The following BACE2 variants were observed in gnomAD, a reference collection of about 807,000 sequenced individuals.
The protein encoded by BACE2 is beta-secretase 2, also known as 56 kDa aspartic-like protease.
Under a neutral mutation model 46.2 loss-of-function variants are expected in BACE2, and 17 were observed. The observed-to-expected ratio is 0.37, with a 90% confidence interval of 0.25 to 0.55. The LOEUF (loss-of-function observed/expected upper bound fraction) is 0.55. BACE2 is among the 20% of genes least tolerant of loss of function. BACE2 has a pLI of 0.82. For missense variants in BACE2, 595 were observed against 698.1 expected, an observed-to-expected ratio of 0.85 and a Z score of 1.66; for synonymous variants, 277 against 295.9, an observed-to-expected ratio of 0.94 and a Z score of 0.66.
intron 8 of BACE2, among the ~76,000 whole-genome samples, chr21:41,263,581 C>T (rs1331050428): frequency 4.6e-5 from 7 of 152,060 alleles, no homozygotes; most frequent in African/African-American, 9.7e-5. Context: ...GCCTCAATTC[C>T]GAATCACAAT....
In BACE2 at chr21:41,168,504, G is replaced by T; in HGVS notation, c.241G>T (p.Val81Leu). 7.2e-7 allele frequency: 1 copy of T among 1,381,794 alleles called. No homozygotes were observed. Among genetic ancestry groups the T allele is most frequent in the Admixed American group, 3.0e-5 (1 of 33,196 alleles). 85.6% of individuals were successfully genotyped at this position (1,381,794 alleles called of 1,614,324 possible). A position where few individuals can be genotyped will look rare whatever the true frequency, so the allele number is the denominator to read the frequency against. The change falls in exon 1 of 9, where the codon GTA (valine) becomes TTA (leucine). Residue 81 changes from valine (V) to leucine (L), a missense_variant. By Grantham distance (32) the Val-to-Leu change is conservative. Transcript: ENST00000330333. ...PAGAANFLAM[V>L]DNLQGDSGRG... The stretch of plus-strand genomic sequence containing the variant: ...GGGCGCCGCCAACTTCTTGGCCATG[G>T]TAGACAACCTGCAGGGGGACTCTGG...
intron 8 of BACE2, among the ~76,000 whole-genome samples, chr21:41,264,019 C>G (rs1988004522): frequency 6.6e-6 from 1 of 152,084 alleles, no homozygotes. Context: ...GGTCCCTTGA[C>G]CCTTCATTTA....
At chr21:41,171,282 C>T (rs1041426070) in intron 1 of BACE2, among the ~76,000 whole-genome samples, 6 of 152,336 alleles carry the variant, frequency 3.9e-5, no homozygotes, top group Non-Finnish European at 7.3e-5. Context: ...CAGGTGTGCA[C>T]GGGAGAGGCC....
intron 1 of BACE2, chr21:41,179,486 G>C: frequency 7.4e-7 from 1 of 1,349,450 alleles, no homozygotes; most frequent in Non-Finnish European, 9.9e-7. Flanking sequence ...AGGTGTCCAG[G>C]GTGAGGAGTG....
chr21:41,204,573 C>G (rs1341093770), intron 1 of BACE2, among the ~76,000 whole-genome samples: 1 of 152,236 alleles, frequency 6.6e-6, no homozygotes, highest in East Asian at 1.9e-4. Context: ...ATTTAACACT[C>G]ACGTTCAAGG....
At chr21:41,221,693 T>C (rs2123565089) in intron 1 of BACE2, among the ~76,000 whole-genome samples, 1 of 152,160 alleles carries the variant, frequency 6.6e-6, no homozygotes, top group South Asian at 2.1e-4. Context: ...CTGGGCGTGG[T>C]GGCGGGAGCC....
intron 1 of BACE2, among the ~76,000 whole-genome samples, chr21:41,169,349 A>G (rs1984514125): frequency 6.6e-6 from 1 of 152,002 alleles, no homozygotes; most frequent in Non-Finnish European, 1.5e-5. Flanking sequence ...CGATTACAAC[A>G]CAAAAATAAA....
intron 8 of BACE2, among the ~76,000 whole-genome samples, chr21:41,267,888 A>G (rs1323355450): frequency 6.6e-6 from 1 of 152,218 alleles, no homozygotes; most frequent in Non-Finnish European, 1.5e-5. Flanking sequence ...TCTCAGTACC[A>G]GATAATCAGT....
intron 1 of BACE2, among the ~76,000 whole-genome samples, chr21:41,201,428 A>AGCTT (rs1278043108): frequency 6.6e-6 from 1 of 152,254 alleles, no homozygotes; most frequent in East Asian, 1.9e-4. Context: ...CAAGGGCTGA[A>AGCTT]GCCATCGAGC....
chr21:41,199,687 C>G (rs1020823431), intron 1 of BACE2, among the ~76,000 whole-genome samples: 1 of 152,174 alleles, frequency 6.6e-6, no homozygotes, highest in Admixed American at 6.5e-5. Context: ...CCTACTTGTT[C>G]TAGCCGGGCT....
chr21:41,189,647 T>G (rs1392190935), intron 1 of BACE2, among the ~76,000 whole-genome samples: 1 of 152,212 alleles, frequency 6.6e-6, no homozygotes, highest in Non-Finnish European at 1.5e-5. Context: ...TTATTGGCTG[T>G]CTGTTCATAT....
chr21:41,272,587 C>T (rs549731765), intron 8 of BACE2, among the ~76,000 whole-genome samples: 6 of 151,728 alleles, frequency 4.0e-5, no homozygotes, highest in East Asian at 1.9e-4. Context: ...ACAACCATCC[C>T]GTATATTTTT....
intron 1 of BACE2, among the ~76,000 whole-genome samples, chr21:41,217,342 ACTGTCCTCTTCTCAAGCCCTAGTATTCT>A (rs1986503809): frequency 6.6e-6 from 1 of 152,130 alleles, no homozygotes; most frequent in African/African-American, 2.4e-5. Flanking sequence ...TAACATCCAC[ACTGTCCTCTTCTCAAGCCCTAGTATTCT>A]CTGATTTGCC....
At chr21:41,268,876 A>G (rs1316760511) in intron 8 of BACE2, among the ~76,000 whole-genome samples, 2 of 152,210 alleles carry the variant, frequency 1.3e-5, no homozygotes, top group African/African-American at 4.8e-5. Context: ...ATTCAACTGG[A>G]AGAACAGTAC....
At chr21:41,273,011 T>A (rs887311582) in intron 8 of BACE2, among the ~76,000 whole-genome samples, 1 of 152,136 alleles carries the variant, frequency 6.6e-6, no homozygotes, top group Non-Finnish European at 1.5e-5. Context: ...TAAAGCTGGG[T>A]GTCCAGGGAA....
intron 3 of BACE2, among the ~76,000 whole-genome samples, chr21:41,240,293 C>T (rs1177259256): frequency 6.6e-6 from 1 of 152,230 alleles, no homozygotes; most frequent in African/African-American, 2.4e-5. Flanking sequence ...GCTTCTAACA[C>T]TATAGCTGCC....
At chr21:41,256,106 T>C (rs1262645888) in intron 7 of BACE2, among the ~76,000 whole-genome samples, 1 of 151,966 alleles carries the variant, frequency 6.6e-6, no homozygotes, top group Non-Finnish European at 1.5e-5. Flanking sequence ...TTAATACATA[T>C]ATACTTTAAG....
At chr21:41,243,343 TTC>T in intron 4 of BACE2, 31 bp from the exon 5 acceptor site, 1 of 1,530,802 alleles carries the variant, frequency 6.5e-7, no homozygotes, top group African/African-American at 1.4e-5. Context: ...TGTGTATTTT[TTC>T]TCTTATACCT....
At chr21:41,201,110 A>G (rs2123529219) in intron 1 of BACE2, among the ~76,000 whole-genome samples, 1 of 152,282 alleles carries the variant, frequency 6.6e-6, no homozygotes, top group East Asian at 1.9e-4. Context: ...ATGAGGAGAC[A>G]AGGAGGCCCT....
Sources: allele counts gnomAD v4.1 joint callset (sites outside exome capture counted in the v4.1 genomes callset), GRCh38; gene constraint gnomAD v4.1.1; transcripts MANE v1.5; gene names NCBI Gene and HGNC (gene_info 2026-07-23, HGNC 2026-07-21).